The following SYNJ2BP variants were observed in gnomAD, a reference collection of about 807,000 sequenced individuals.
SYNJ2BP encodes synaptojanin 2 binding protein.
In SYNJ2BP, 10 loss-of-function variants were observed where a neutral mutation model predicts 16.9. The ratio of observed to expected loss-of-function variants is 0.59; its 90% confidence interval spans 0.36 to 1.00. The LOEUF (loss-of-function observed/expected upper bound fraction) is 1.00, where lower values mean the gene tolerates loss of function less well. SYNJ2BP is among the 50% of genes least tolerant of loss of function. SYNJ2BP has a pLI of 0.01. For synonymous variants in SYNJ2BP, 54 were observed against 68.4 expected (o/e 0.79, Z 1.04); for missense variants, 162 against 186.7 (o/e 0.87, Z 0.77).
At chr14:70,393,786 T>C (rs756623350) in intron 1 of SYNJ2BP, among the ~76,000 whole-genome samples, 60 of 146,668 alleles carry the variant, frequency 4.1e-4, no homozygotes, top group Middle Eastern at 3.2e-3. Flanking sequence ...GGGAACATCA[T>C]ACACCAGGGC....
intron 2 of SYNJ2BP, among the ~76,000 whole-genome samples, chr14:70,382,504 G>A (rs530572299): frequency 1.3e-5 from 2 of 152,332 alleles, no homozygotes; most frequent in South Asian, 4.1e-4. Context: ...ATAATGCAGA[G>A]TTTGATTCTG....
At chr14:70,387,227 C>A (rs1407253690) in intron 2 of SYNJ2BP, among the ~76,000 whole-genome samples, 1 of 152,178 alleles carries the variant, frequency 6.6e-6, no homozygotes, top group Non-Finnish European at 1.5e-5. Flanking sequence ...CCATTTTTCA[C>A]TAGTCCTGAA....
chr14:70,377,468 A>T (rs904734227), intron 2 of SYNJ2BP, among the ~76,000 whole-genome samples: 12 of 152,212 alleles, frequency 7.9e-5, no homozygotes, highest in Non-Finnish European at 5.9e-5. Context: ...ACGCAGTGAT[A>T]GCTGTTCCAG....
intron 2 of SYNJ2BP, among the ~76,000 whole-genome samples, chr14:70,379,329 T>TA (rs1209611254): frequency 6.6e-6 from 1 of 152,204 alleles, no homozygotes; most frequent in Non-Finnish European, 1.5e-5. Context: ...CTTATGCTGA[T>TA]ATGGAAAGTC....
chr14:70,373,190 C>T (rs1566613758), intron 3 of SYNJ2BP, 59 bp from the exon 4 acceptor site: 3 of 1,597,714 alleles, frequency 1.9e-6, no homozygotes, highest in Non-Finnish European at 1.7e-6. Context: ...AACTGAAACG[C>T]CCAGGTTGAT....
At chr14:70,395,482 CCT>C (rs755054962) in intron 1 of SYNJ2BP, among the ~76,000 whole-genome samples, 8 of 149,460 alleles carry the variant, frequency 5.4e-5, no homozygotes, top group Non-Finnish European at 9.0e-5. Flanking sequence ...ACACAACCCC[CCT>C]GTCTGTCTTT....
intron 1 of SYNJ2BP, among the ~76,000 whole-genome samples, chr14:70,411,680 A>G (rs1276077685): frequency 6.6e-6 from 1 of 152,212 alleles, no homozygotes. Flanking sequence ...AAGCCTGTCC[A>G]TTCCAGAAGA....
rs1268757297 is a variant in SYNJ2BP at position 70,371,375 on chromosome 14, G to GT, written c.*1615dup. 1.3e-5 allele frequency: 2 copies of GT among 152,146 alleles called. No individual in the cohort carries two copies. Among genetic ancestry groups the GT allele is most frequent in the African/African-American group, 2.4e-5 (1 of 41,426 alleles). 9.4% of individuals were successfully genotyped at this position (152,146 alleles called of 1,614,324 possible). A position where few individuals can be genotyped will look rare whatever the true frequency, so the allele number is the denominator to read the frequency against. On this transcript the variant is annotated 3_prime_UTR_variant, in exon 4 of 4. Transcript: ENST00000256366. ...GCTGCAAAAAGGTTTATTAAAAGCC[G>GT]TATGTAGTGTATAAAGCCTTTCAAA...
intron 1 of SYNJ2BP, among the ~76,000 whole-genome samples, chr14:70,401,251 T>C (rs774280251): frequency 9.9e-5 from 15 of 152,170 alleles, no homozygotes; most frequent in Admixed American, 1.3e-4. Context: ...TAAAATCTGA[T>C]AATAAGAGAT....
At chr14:70,385,585 T>A (rs1887843848) in intron 2 of SYNJ2BP, among the ~76,000 whole-genome samples, 1 of 152,152 alleles carries the variant, frequency 6.6e-6, no homozygotes. Flanking sequence ...TTTGCCATGT[T>A]GGCCAGGCAG....
At chr14:70,401,403 C>A (rs767242321) in intron 1 of SYNJ2BP, among the ~76,000 whole-genome samples, 7 of 151,650 alleles carry the variant, frequency 4.6e-5, no homozygotes, top group Middle Eastern at 3.2e-3. Flanking sequence ...TGAGACCAGC[C>A]TGGGCAATGT....
intron 2 of SYNJ2BP, among the ~76,000 whole-genome samples, chr14:70,383,725 T>C (rs1030298454): frequency 6.6e-6 from 1 of 152,174 alleles, no homozygotes; most frequent in Non-Finnish European, 1.5e-5. Flanking sequence ...CCAGGTTCCA[T>C]AATGGTTTAT....
chr14:70,382,218 A>G (rs2140822969), intron 2 of SYNJ2BP, among the ~76,000 whole-genome samples: 1 of 152,336 alleles, frequency 6.6e-6, no homozygotes, highest in Admixed American at 6.5e-5. Context: ...TCTAGGTGAC[A>G]GAGGGAGACT....
At chr14:70,375,798 A>G (rs1486668894) in intron 2 of SYNJ2BP, 27 bp from the exon 3 acceptor site, 1 of 1,609,094 alleles carries the variant, frequency 6.2e-7, no homozygotes, top group East Asian at 2.2e-5. Flanking sequence ...GAGTAGTAAG[A>G]AAGGAAGAAG....
At chr14:70,393,922 A>G (rs572847350) in intron 1 of SYNJ2BP, among the ~76,000 whole-genome samples, 1 of 151,826 alleles carries the variant, frequency 6.6e-6, no homozygotes, top group Non-Finnish European at 1.5e-5. Context: ...ATACCTATGT[A>G]ACAAACCTGC....
At chr14:70,386,166 A>G (rs1281731198) in intron 2 of SYNJ2BP, among the ~76,000 whole-genome samples, 3 of 152,218 alleles carry the variant, frequency 2.0e-5, no homozygotes, top group Non-Finnish European at 4.4e-5. Flanking sequence ...CATAGATTCT[A>G]ACTAAATGCT....
rs1277707223 is a variant in SYNJ2BP, at chr14:70,373,203, A to C, written c.298-72T>G. On this transcript the variant is annotated intron_variant, in intron 3 of 3. Transcript: ENST00000256366. ...GCAACTGAAACGCCCAGGTTGATAC[A>C]TCACCTGGGTTTGTAGACTCTAGAC... 3.2e-6 allele frequency: 5 copies of C among 1,578,330 alleles called. No individual in the cohort carries two copies. In the Admixed American group the frequency reaches 8.7e-5, roughly 27 times the overall value.
rs3832974 is a variant in SYNJ2BP at position 70,372,749 on chromosome 14, GT to G, written c.*241del. 37 of 437,158 alleles carry G rather than the reference GT, an allele frequency of 8.5e-5. No homozygotes were observed. In the East Asian group the frequency reaches 1.5e-3, roughly 18 times the overall value. 27.1% of individuals were successfully genotyped at this position (437,158 alleles called of 1,614,324 possible). On this transcript the variant is annotated 3_prime_UTR_variant, in exon 4 of 4. Transcript: ENST00000256366. ...AGCTGAATTTCTATCAAAAGTCCTA[GT>G]AAAATATATAACTCCTCATTTGTTC...
intron 1 of SYNJ2BP, among the ~76,000 whole-genome samples, chr14:70,411,089 T>C (rs1004925212): frequency 6.6e-6 from 1 of 152,102 alleles, no homozygotes; most frequent in Non-Finnish European, 1.5e-5. Context: ...GGAGGAGACA[T>C]AAGTGAGAAA....
Sources: gnomAD v4.1 joint callset for allele counts (sites outside exome capture counted in the v4.1 genomes callset) on GRCh38, gnomAD v4.1.1 for gene constraint, MANE v1.5 for transcripts, NCBI Gene and HGNC (gene_info 2026-07-23, HGNC 2026-07-21) for gene names.